The following PLSCR1 variants were observed in gnomAD, a reference collection of about 807,000 sequenced individuals.
PLSCR1 encodes PL scramblase 1.
Under a neutral mutation model 37.8 loss-of-function variants are expected in PLSCR1, and 17 were observed. The ratio of observed to expected loss-of-function variants is 0.45; its 90% CI spans 0.31 to 0.68. PLSCR1 has a LOEUF of 0.68. Ranked by LOEUF, PLSCR1 falls within the 30% of genes least tolerant of loss-of-function variation. The pLI is 0.06. For synonymous variants in PLSCR1, 116 were observed against 125.9 expected (o/e 0.92, Z 0.53); for missense variants, 347 against 380.9 (o/e 0.91, Z 0.74).
chr3:146,525,680 A>AC, intron 4 of PLSCR1, 33 bp from the exon 5 acceptor site: 1 of 1,075,210 alleles, frequency 9.3e-7, no homozygotes, highest in South Asian at 1.4e-5. Flanking sequence ...TGGTATGTAT[A>AC]TGTCAAATGA....
chr3:146,537,846 G>C (rs1349903796), intron 1 of PLSCR1: 1 of 151,980 alleles, frequency 6.6e-6, no homozygotes, highest in Non-Finnish European at 1.5e-5. Flanking sequence ...TTCCAGCCTG[G>C]GTGACAGAGC....
At chr3:146,522,241 A>G (rs897562073) in intron 5 of PLSCR1, among the ~76,000 whole-genome samples, 188 bp from the exon 6 acceptor site, 13 of 152,176 alleles carry the variant, frequency 8.5e-5, no homozygotes, top group African/African-American at 3.1e-4. Flanking sequence ...TTACCAATGT[A>G]TAGAGAAATT....
Position 146,528,748 on chromosome 3 carries a change from C to A in PLSCR1, c.178G>T (p.Gly60Cys), listed in dbSNP as rs374562251. 8 of 1,614,032 alleles carry A rather than the reference C, an allele frequency of 5.0e-6. No homozygotes were observed. In the African/African-American group the frequency reaches 1.1e-4, roughly 22 times the overall value. The change falls in exon 4 of 9, where the codon GGC becomes TGC. Residue 60 changes from glycine (G) to cysteine (C), a missense_variant. Gly to Cys is a radical substitution (Grantham distance 159). Transcript: ENST00000342435. ...PAGHSGPGPA[G>C]FPVPNQPVYN... ...ACTGGCTGATTTGGGACAGGAAAGC[C>A]AGCTGGGCCAGGACCTGAATGGCCG...
chr3:146,521,122 G>A (rs2044013235), intron 7 of PLSCR1, among the ~76,000 whole-genome samples: 1 of 152,002 alleles, frequency 6.6e-6, no homozygotes, highest in East Asian at 1.9e-4. Flanking sequence ...GCTTCTTGTA[G>A]GAATTCAAAG....
In PLSCR1 at chr3:146,521,995, C is replaced by G; in HGVS notation, c.414G>C (p.Arg138Ser). 1 of 1,613,368 alleles carries G rather than the reference C, an allele frequency of 6.2e-7. No individual in the cohort carries two copies. The highest frequency in any genetic ancestry group is 8.5e-7 in the Non-Finnish European group (1 of 1,179,328). ...KYEIKNSFGQ[R>S]VYFAAEDTDC... Reference sequence around the variant, plus strand: ...CAGTATCTTCCGCTGCAAAGTAAACCCTCTGTCCAAAGCTGTTCTTAATTT... The same window carrying G: ...CAGTATCTTCCGCTGCAAAGTAAACGCTCTGTCCAAAGCTGTTCTTAATTT... The change falls in exon 6 of 9, where the codon AGG (arginine) becomes AGC (serine). Residue 138 changes from arginine to serine, a missense_variant. Coordinates refer to ENST00000342435, the MANE Select transcript of PLSCR1 (RefSeq NM_021105.3).
At chr3:146,538,564 T>C (rs779487374) in intron 1 of PLSCR1, among the ~76,000 whole-genome samples, 2 of 152,162 alleles carry the variant, frequency 1.3e-5, no homozygotes, top group South Asian at 2.1e-4. Flanking sequence ...AAAAATTCTA[T>C]GGCCTTTAAC....
At chr3:146,531,753 C>T (rs2044201887) in intron 3 of PLSCR1, among the ~76,000 whole-genome samples, 2 of 152,250 alleles carry the variant, frequency 1.3e-5, no homozygotes, top group Admixed American at 1.3e-4. Context: ...AAAATATCAC[C>T]CTTATTTATA....
At chr3:146,527,168 C>T (rs186956729) in intron 4 of PLSCR1, among the ~76,000 whole-genome samples, 18 of 151,904 alleles carry the variant, frequency 1.2e-4, no homozygotes, top group African/African-American at 4.1e-4. Flanking sequence ...ATAGTGGTTA[C>T]TAGAAACTGT....
Position 146,521,980 on chromosome 3 carries a change from C to T in PLSCR1, c.429G>A (p.Ala143=), listed in dbSNP as rs202027152. 4.0e-5 allele frequency: 65 copies of T among 1,612,972 alleles called. No homozygotes were observed. In the South Asian group the frequency reaches 4.5e-4, roughly 11 times the overall value. ...NSFGQRVYFA[A]EDTDCCTRNC... ...TTCGGGTACAGCAATCAGTATCTTC[C>T]GCTGCAAAGTAAACCCTCTGTCCAA... The change falls in exon 6 of 9, where the codon GCG becomes GCA. Residue 143 remains alanine (A), a synonymous_variant. Transcript: ENST00000342435.
chr3:146,517,258 T>G, intron 7 of PLSCR1, 91 bp from the exon 8 acceptor site: 1 of 657,614 alleles, frequency 1.5e-6, no homozygotes, highest in Non-Finnish European at 2.5e-6. Flanking sequence ...AAATATGGTA[T>G]TAAAATTATG....
rs2044227376 is a variant in PLSCR1 at position 146,533,519 on chromosome 3, T to C, written c.45A>G (p.Thr15=). The C allele has an allele frequency of 6.2e-7, 1 of 1,608,290 alleles. No homozygotes were observed. The part of the protein sequence containing the change: ...NSQMNASHPE[T]NLPVGYPPQY... ...GAGGAGGATACCCAACTGGCAAGTTTGTTTCCGGGTGAGAAGCATTCATCT... is the reference window on the plus strand; with the variant it reads ...GAGGAGGATACCCAACTGGCAAGTTCGTTTCCGGGTGAGAAGCATTCATCT... Residue 15 remains threonine, a synonymous_variant, in exon 3 of 9, where the codon ACA becomes ACG. Transcript: ENST00000342435.
Position 146,515,914 on chromosome 3 carries a change from C to T in PLSCR1, c.*131G>A, listed in dbSNP as rs78417311. The T allele has an allele frequency of 7.0e-3, 3,953 of 565,664 alleles. 97 individuals carry two copies. The highest frequency in any genetic ancestry group is 0.059 in the African/African-American group (3,015 of 51,040). 35.0% of individuals were successfully genotyped at this position (565,664 alleles called of 1,614,324 possible). ...ATAAATCAGTTATACAGAAGATAAA[C>T]TATAATTTGAAAAGCAAAAGTATAC... is the stretch of plus-strand genomic sequence containing the variant. On this transcript the variant is annotated 3_prime_UTR_variant, in exon 9 of 9. Coordinates refer to ENST00000342435, the MANE Select transcript of PLSCR1 (RefSeq NM_021105.3).
chr3:146,523,312 TG>T (rs1176757939), intron 5 of PLSCR1, among the ~76,000 whole-genome samples: 2 of 152,210 alleles, frequency 1.3e-5, no homozygotes, highest in Non-Finnish European at 2.9e-5. Flanking sequence ...TGCTGAGAGT[TG>T]GGGCAATGCT....
chr3:146,522,127 C>G, intron 5 of PLSCR1, 74 bp from the exon 6 acceptor site: 1 of 865,134 alleles, frequency 1.2e-6, no homozygotes, highest in South Asian at 1.4e-5. Flanking sequence ...ATTATAATAT[C>G]TAGCTATGCC....
At chr3:146,521,482 G>T in intron 7 of PLSCR1, 62 bp downstream of exon 7, 2 of 1,406,010 alleles carry the variant, frequency 1.4e-6, no homozygotes, top group Non-Finnish European at 9.9e-7. Flanking sequence ...ATAATGTCCT[G>T]CAAAATTACA....
chr3:146,543,615 A>C (rs2044365713), intron 1 of PLSCR1, among the ~76,000 whole-genome samples: 1 of 152,262 alleles, frequency 6.6e-6, no homozygotes, highest in Non-Finnish European at 1.5e-5. Flanking sequence ...CAGGAATAAC[A>C]GTGCATGAAT....
chr3:146,515,923 G>T lies in PLSCR1; in HGVS notation c.*122C>A. 1.7e-6 allele frequency: 1 copy of T among 589,994 alleles called. No individual in the cohort carries two copies. The allele number at this position is 589,994 out of a possible 1,614,324, so 36.5% of individuals were successfully genotyped here. On this transcript the variant is annotated 3_prime_UTR_variant, in exon 9 of 9. Coordinates refer to ENST00000342435, the MANE Select transcript of PLSCR1 (RefSeq NM_021105.3). ...TTATACAGAAGATAAACTATAATTTGAAAAGCAAAAGTATACAACCAGAGC... is the reference window on the plus strand; with the variant it reads ...TTATACAGAAGATAAACTATAATTTTAAAAGCAAAAGTATACAACCAGAGC...
At chr3:146,527,883 C>A (rs2044140236) in intron 4 of PLSCR1, 1 of 152,090 alleles carries the variant, frequency 6.6e-6, no homozygotes, top group South Asian at 2.1e-4. Context: ...TTTCTAACAC[C>A]AATTAAATGT....
chr3:146,533,492 C>G lies in PLSCR1; in HGVS notation c.72G>C (p.Gln24His), dbSNP rs1167714468. ...TACCTTGGAATGCTGTCGGTGGATA[C>G]TGAGGAGGATACCCAACTGGCAAGT... ...ETNLPVGYPPQYPPTAFQGPP... is the reference protein window; with the variant it reads ...ETNLPVGYPPHYPPTAFQGPP... The change falls in exon 3 of 9, where the codon CAG becomes CAC. Residue 24 changes from glutamine (Q) to histidine (H), a missense_variant. Physicochemically the swap from Gln to His is conservative, Grantham distance 24. Transcript: ENST00000342435. The G allele has an allele frequency of 6.2e-7, 1 of 1,604,388 alleles. No individual in the cohort carries two copies. Among genetic ancestry groups the G allele is most frequent in the East Asian group, 2.2e-5 (1 of 44,796 alleles).
Sources: gnomAD v4.1 joint callset for allele counts (sites outside exome capture counted in the v4.1 genomes callset) on GRCh38, gnomAD v4.1.1 for gene constraint, MANE v1.5 for transcripts, NCBI Gene and HGNC (gene_info 2026-07-23, HGNC 2026-07-21) for gene names.